Variants in ROR1 observed in about 807,000 individuals in gnomAD.
ROR1 encodes inactive tyrosine-protein kinase transmembrane receptor ROR1.
A neutral mutation model predicts 78.8 loss-of-function variants in ROR1; 19 were observed. That is an observed-to-expected ratio of 0.24 (90% CI 0.17 to 0.35). The LOEUF (loss-of-function observed/expected upper bound fraction) is 0.35, where lower values mean the gene tolerates loss of function less well. Ranked by LOEUF, ROR1 falls within the 10% of genes least tolerant of loss-of-function variation. ROR1 has a pLI of 1.00. For synonymous variants in ROR1, 386 were observed against 433.6 expected (o/e 0.89, Z 1.36); for missense variants, 917 against 1,177.8 (o/e 0.78, Z 3.24).
intron 4 of ROR1, among the ~76,000 whole-genome samples, chr1:64,127,713 T>A (rs538049217): frequency 6.6e-6 from 1 of 152,288 alleles, no homozygotes; most frequent in African/African-American, 2.4e-5. Flanking sequence ...AGAATACTGT[T>A]GAGCATAGAA....
At chr1:63,910,830 G>T (rs982910638) in intron 1 of ROR1, among the ~76,000 whole-genome samples, 1 of 152,200 alleles carries the variant, frequency 6.6e-6, no homozygotes, top group Non-Finnish European at 1.5e-5. Flanking sequence ...GAACAACAAG[G>T]ACGTGCATCC....
intron 8 of ROR1, among the ~76,000 whole-genome samples, chr1:64,164,499 G>A (rs1056380126): frequency 7.9e-5 from 12 of 152,182 alleles, no homozygotes; most frequent in African/African-American, 1.2e-4. Flanking sequence ...GTACTTAAAA[G>A]GGATATTTTT....
intron 1 of ROR1, among the ~76,000 whole-genome samples, chr1:63,823,742 C>T (rs1039655175): frequency 6.6e-6 from 1 of 151,996 alleles, no homozygotes; most frequent in Non-Finnish European, 1.5e-5. Flanking sequence ...CATGAGCCCC[C>T]ACACCCAGTC....
Position 63,993,248 on chromosome 1 carries a change from A to G in ROR1, c.92-16057A>G, listed in dbSNP as rs541051486. 3.9e-5 allele frequency among the ~76,000 whole-genome samples: 6 copies of G among 152,272 alleles called. No individual in the cohort carries two copies. The South Asian group carries it at 1.0e-3, about 26-fold the overall frequency. On this transcript the variant is annotated intron_variant, in intron 1 of 8. Coordinates refer to ENST00000371079, the MANE Select transcript of ROR1 (RefSeq NM_005012.4). ...CTCGCTCTTATGAGGTGCTCTTTCT[A>G]TGGAGTCCCGTAAAACTCCGGGCAT...
rs1056945442 is a variant in ROR1, at chr1:64,137,273, C to T, written c.483-96C>T. 1.9e-5 allele frequency: 25 copies of T among 1,316,000 alleles called. No homozygotes were observed. The Admixed American group carries it at 4.8e-4, about 25-fold the overall frequency. The allele number at this position is 1,316,000 out of a possible 1,614,324, so 81.5% of individuals were successfully genotyped here. On this transcript the variant is annotated intron_variant, in intron 4 of 8. Transcript: ENST00000371079. ...TTTTGTATATTGTGCCCAACTGTGC[C>T]CCCTAGTGACTATTTAGGGTATCGC... is the stretch of plus-strand genomic sequence containing the variant.
chr1:64,079,470 A>ATTTTTTTTT (rs71056020), intron 4 of ROR1, among the ~76,000 whole-genome samples: 1 of 146,280 alleles, frequency 6.8e-6, no homozygotes, highest in Non-Finnish European at 1.5e-5. Flanking sequence ...CTTGATTGGG[A>ATTTTTTTTT]TTTTTTTTTT....
chr1:63,963,114 A>C (rs1212848573), intron 1 of ROR1, among the ~76,000 whole-genome samples: 1 of 152,148 alleles, frequency 6.6e-6, no homozygotes, highest in African/African-American at 2.4e-5. Flanking sequence ...TACACCCTTA[A>C]TCTCTATATC....
intron 4 of ROR1, among the ~76,000 whole-genome samples, chr1:64,060,026 C>G (rs1273592045): frequency 6.6e-6 from 1 of 152,052 alleles, no homozygotes; most frequent in Non-Finnish European, 1.5e-5. Flanking sequence ...TATCCACTCC[C>G]TCACCTATCT....
intron 4 of ROR1, among the ~76,000 whole-genome samples, chr1:64,114,488 C>T (rs1183407316): frequency 6.6e-6 from 1 of 152,086 alleles, no homozygotes; most frequent in Non-Finnish European, 1.5e-5. Flanking sequence ...CTTCCTGATA[C>T]AGGTAGTACT....
intron 1 of ROR1, among the ~76,000 whole-genome samples, chr1:63,944,307 A>G (rs1043183700): frequency 1.3e-5 from 2 of 152,212 alleles, no homozygotes; most frequent in Admixed American, 6.5e-5. Flanking sequence ...AGGTTGAAAA[A>G]GATGACACTT....
At chr1:64,054,915 T>G (rs1646862219) in intron 4 of ROR1, among the ~76,000 whole-genome samples, 1 of 152,196 alleles carries the variant, frequency 6.6e-6, no homozygotes, top group African/African-American at 2.4e-5. Flanking sequence ...CCGTATTCAT[T>G]GGCTTATAGA....
chr1:63,891,329 A>AT (rs1645394031), intron 1 of ROR1, among the ~76,000 whole-genome samples: 1 of 152,188 alleles, frequency 6.6e-6, no homozygotes, highest in Non-Finnish European at 1.5e-5. Context: ...AGGGATGTGA[A>AT]AATATTTCAG....
At chr1:63,905,729 T>G (rs1465442936) in intron 1 of ROR1, among the ~76,000 whole-genome samples, 1 of 152,158 alleles carries the variant, frequency 6.6e-6, no homozygotes, top group East Asian at 1.9e-4. Context: ...TAGCTTGACC[T>G]TAGGAAGAAG....
chr1:64,002,420 G>A (rs1321414183), intron 1 of ROR1, among the ~76,000 whole-genome samples: 4 of 152,140 alleles, frequency 2.6e-5, no homozygotes, highest in African/African-American at 7.2e-5. Context: ...CATTGCGCCC[G>A]GCCTGGTTCG....
chr1:63,922,803 T>C (rs984963528), intron 1 of ROR1, among the ~76,000 whole-genome samples: 3 of 152,144 alleles, frequency 2.0e-5, no homozygotes, highest in African/African-American at 7.2e-5. Context: ...AAGAGACTTA[T>C]ACACAGCCTA....
intron 4 of ROR1, among the ~76,000 whole-genome samples, chr1:64,083,526 A>AGT (rs1056808406): frequency 1.3e-4 from 15 of 115,868 alleles, no homozygotes; most frequent in African/African-American, 4.8e-4. Context: ...TCCAAGATTG[A>AGT]GTGTGTGTGT....
chr1:64,135,671 G>A (rs1024494095), intron 4 of ROR1, among the ~76,000 whole-genome samples: 2 of 152,080 alleles, frequency 1.3e-5, no homozygotes, highest in Non-Finnish European at 2.9e-5. Context: ...AGCCAAAAAG[G>A]CTTCAGCATT....
intron 1 of ROR1, among the ~76,000 whole-genome samples, chr1:63,893,936 AT>A (rs532912295): frequency 6.6e-6 from 1 of 151,946 alleles, no homozygotes; most frequent in Non-Finnish European, 1.5e-5. Flanking sequence ...TCAGCATACG[AT>A]TTTTTTCTTT....
At chr1:64,075,673 C>A (rs1003266092) in intron 4 of ROR1, among the ~76,000 whole-genome samples, 3 of 152,190 alleles carry the variant, frequency 2.0e-5, no homozygotes, top group African/African-American at 7.2e-5. Context: ...ATCTCCCTGT[C>A]CCTCATTCCT....
Sources: allele counts gnomAD v4.1 joint callset (sites outside exome capture counted in the v4.1 genomes callset), GRCh38; gene constraint gnomAD v4.1.1; transcripts MANE v1.5; gene names NCBI Gene and HGNC (gene_info 2026-07-23, HGNC 2026-07-21).